RAB3GAP1: variants seen among roughly 807,000 people sequenced by gnomAD.
The protein encoded by RAB3GAP1 is RAB3 GTPase activating protein catalytic subunit 1.
Under a neutral mutation model 130.7 loss-of-function variants are expected in RAB3GAP1, and 86 were observed. The ratio of observed to expected loss-of-function variants is 0.66; its 90% confidence interval spans 0.55 to 0.79. The LOEUF (loss-of-function observed/expected upper bound fraction) is 0.79, where lower values mean the gene tolerates loss of function less well. Ranked by LOEUF, RAB3GAP1 falls within the 30% of genes least tolerant of loss-of-function variation. The pLI is 0.00. For missense variants in RAB3GAP1, 1,029 were observed against 1,169.4 expected (o/e 0.88, Z 1.75); for synonymous variants, 367 against 401.7 (o/e 0.91, Z 1.03).
intron 9 of RAB3GAP1, among the ~76,000 whole-genome samples, chr2:135,125,768 T>C (rs1183712550): frequency 6.6e-6 from 1 of 152,152 alleles, no homozygotes; most frequent in African/African-American, 2.4e-5. Flanking sequence ...CAACTTTAAA[T>C]TTATGGATTT....
At chr2:135,111,549 C>G (rs1007358973) in intron 5 of RAB3GAP1, among the ~76,000 whole-genome samples, 7 of 152,140 alleles carry the variant, frequency 4.6e-5, no homozygotes, top group Non-Finnish European at 7.4e-5. Context: ...AATTAGGATA[C>G]TTAGTAAACT....
intron 13 of RAB3GAP1, among the ~76,000 whole-genome samples, chr2:135,131,121 T>G (rs2104944202): frequency 6.6e-6 from 1 of 152,346 alleles, no homozygotes; most frequent in South Asian, 2.1e-4. Flanking sequence ...ATGACCAGGG[T>G]TGAGGCTGGA....
At chr2:135,139,195 CAT>C (rs1360300504) in intron 17 of RAB3GAP1, among the ~76,000 whole-genome samples, 6 of 152,060 alleles carry the variant, frequency 3.9e-5, no homozygotes, top group African/African-American at 1.4e-4. Flanking sequence ...ATTTTAAAAA[CAT>C]ATGTTCATGT....
rs1385227315 is a variant in RAB3GAP1, at chr2:135,168,669, T to G, written c.2834T>G (p.Val945Gly). The G allele has an allele frequency of 2.2e-5, 36 of 1,614,088 alleles. No individual in the cohort carries two copies. Among genetic ancestry groups the G allele is most frequent in the Non-Finnish European group, 3.0e-5 (35 of 1,180,050 alleles). ...AGREFILRTT[V>G]PRPAPYSKAL... ...CGGGAATTCATTTTGCGCACCACTG[T>G]GCCGCGCCCTGCTCCCTACTCCAAA... Residue 945 changes from valine (V) to glycine (G), a missense_variant, in exon 24 of 24, where the codon GTG becomes GGG. This residue lies in a region of RAB3GAP1 where 146 missense variants were observed against 143.7 expected (regional missense o/e 1.02). Transcript: ENST00000264158.
intron 17 of RAB3GAP1, among the ~76,000 whole-genome samples, chr2:135,149,631 T>G (rs1692110920): frequency 6.6e-6 from 1 of 152,194 alleles, no homozygotes. Flanking sequence ...ACTCATAGTT[T>G]TATAACCAGA....
chr2:135,156,605 G>C (rs1303586188), intron 19 of RAB3GAP1, among the ~76,000 whole-genome samples: 1 of 151,968 alleles, frequency 6.6e-6, no homozygotes, highest in Non-Finnish European at 1.5e-5. Flanking sequence ...TAAAACTCTT[G>C]GGAAAAGAGT....
intron 13 of RAB3GAP1, 151 bp from the exon 14 acceptor site, chr2:135,132,744 T>C (rs953551766): frequency 1.7e-6 from 1 of 593,838 alleles, no homozygotes; most frequent in African/African-American, 1.9e-5. Flanking sequence ...AATTTGAGAG[T>C]GTAGAACAAA....
chr2:135,071,434 T>C (rs1056428174), intron 3 of RAB3GAP1, among the ~76,000 whole-genome samples: 6 of 152,188 alleles, frequency 3.9e-5, no homozygotes, highest in African/African-American at 1.4e-4. Flanking sequence ...CAGAAACTTC[T>C]TTTAGGCTCC....
chr2:135,098,692 G>A (rs1216485623), intron 5 of RAB3GAP1, among the ~76,000 whole-genome samples: 1 of 152,068 alleles, frequency 6.6e-6, no homozygotes, highest in African/African-American at 2.4e-5. Flanking sequence ...ATATTTAGAT[G>A]TTACCTGATT....
At chr2:135,069,410 C>G (rs964449176) in intron 3 of RAB3GAP1, among the ~76,000 whole-genome samples, 1 of 151,790 alleles carries the variant, frequency 6.6e-6, no homozygotes, top group African/African-American at 2.4e-5. Context: ...ATTTTCTGTA[C>G]TTTTTTTTCT....
intron 22 of RAB3GAP1, 124 bp from the exon 23 acceptor site, chr2:135,164,470 A>G (rs971175654): frequency 1.5e-5 from 11 of 735,868 alleles, no homozygotes; most frequent in Middle Eastern, 3.6e-4. Flanking sequence ...TTTCACTCCA[A>G]CCTTGTTGGG....
intron 5 of RAB3GAP1, among the ~76,000 whole-genome samples, chr2:135,111,514 G>C (rs566058925): frequency 1.3e-5 from 2 of 152,232 alleles, no homozygotes; most frequent in East Asian, 3.9e-4. Flanking sequence ...ATGTGTTATT[G>C]AGTAAAAGAA....
chr2:135,091,382 G>C (rs1006822805), intron 4 of RAB3GAP1, among the ~76,000 whole-genome samples: 4 of 152,154 alleles, frequency 2.6e-5, no homozygotes, highest in African/African-American at 9.6e-5. Flanking sequence ...TTCCAGTAGG[G>C]AAGATAAGAT....
At chr2:135,100,495 C>G (rs1690420168) in intron 5 of RAB3GAP1, among the ~76,000 whole-genome samples, 1 of 152,114 alleles carries the variant, frequency 6.6e-6, no homozygotes. Flanking sequence ...ATTTTGACAG[C>G]ATTGTCATAT....
Position 135,163,059 on chromosome 2 carries a change from C to A in RAB3GAP1, c.2564C>A (p.Thr855Asn), listed in dbSNP as rs1335176824. 6.2e-7 allele frequency: 1 copy of A among 1,613,836 alleles called. No individual in the cohort carries two copies. The highest frequency in any genetic ancestry group is 1.1e-5 in the South Asian group (1 of 91,072). The change falls in exon 22 of 24, where the codon ACT becomes AAT. Residue 855 changes from threonine to asparagine, a missense_variant. Thr to Asn is a moderately conservative substitution (Grantham distance 65, BLOSUM62 0). Coordinates refer to ENST00000264158, the MANE Select transcript of RAB3GAP1 (RefSeq NM_012233.3). ...RARSLKAKFG[T>N]EKCEQEEEKE... The stretch of plus-strand genomic sequence containing the variant: ...CGGTCACTAAAAGCCAAGTTTGGAA[C>A]TGAGAAATGTGAACAGGAGGAGGAA...
At chr2:135,115,508 A>C in intron 7 of RAB3GAP1, 127 bp downstream of exon 7, 2 of 906,412 alleles carry the variant, frequency 2.2e-6, no homozygotes, top group Non-Finnish European at 3.2e-6. Flanking sequence ...GAAGAAAGCT[A>C]TAAGTGACTA....
At chr2:135,162,505 C>A in intron 19 of RAB3GAP1, 50 bp from the exon 20 acceptor site, 1 of 1,431,958 alleles carries the variant, frequency 7.0e-7, no homozygotes, top group Non-Finnish European at 9.8e-7. Context: ...GTGGCTGCTT[C>A]ATCCTTTGAC....
intron 10 of RAB3GAP1, 80 bp from the exon 11 acceptor site, chr2:135,126,503 A>G (rs959382674): frequency 7.6e-7 from 1 of 1,322,700 alleles, no homozygotes; most frequent in African/African-American, 1.4e-5. Flanking sequence ...CTATGTTTTC[A>G]TTAGACTGCA....
At chr2:135,079,161 G>C (rs867604422) in intron 3 of RAB3GAP1, among the ~76,000 whole-genome samples, 3 of 151,994 alleles carry the variant, frequency 2.0e-5, no homozygotes, top group African/African-American at 7.3e-5. Flanking sequence ...GAGCCACTGC[G>C]CCCAGCCAGA....
Sources: gnomAD v4.1 joint callset for allele counts (sites outside exome capture counted in the v4.1 genomes callset) on GRCh38, gnomAD v4.1.1 for gene constraint, gnomAD v4.1.1 regional missense constraint, MANE v1.5 for transcripts, NCBI Gene and HGNC (gene_info 2026-07-23, HGNC 2026-07-21) for gene names.